MAGI2: variants seen among roughly 807,000 people sequenced by gnomAD.
MAGI2 encodes the protein membrane associated guanylate kinase, WW and PDZ domain containing 2.
Under a neutral mutation model 133.3 loss-of-function variants are expected in MAGI2, and 35 were observed. The observed-to-expected ratio is 0.26, with a 90% CI of 0.20 to 0.35. The LOEUF (loss-of-function observed/expected upper bound fraction) is 0.35, where lower values mean the gene tolerates loss of function less well. Ranked by LOEUF, MAGI2 falls within the 10% of genes least tolerant of loss-of-function variation. The pLI, the probability that MAGI2 is intolerant of heterozygous loss-of-function variation, is 1.00. For missense variants in MAGI2, 1,636 were observed against 1,863.4 expected (o/e 0.88, Z 2.25); for synonymous variants, 729 against 710.6 (o/e 1.03, Z -0.41).
At chr7:78,220,044 T>A (rs1348438188) in intron 10 of MAGI2, among the ~76,000 whole-genome samples, 1 of 152,166 alleles carries the variant, frequency 6.6e-6, no homozygotes, top group Admixed American at 6.5e-5. Context: ...AACTCCTTAT[T>A]ATACAACCTA....
At chr7:79,149,304 T>A (rs1585049027) in intron 1 of MAGI2, among the ~76,000 whole-genome samples, 1 of 151,618 alleles carries the variant, frequency 6.6e-6, no homozygotes, top group African/African-American at 2.4e-5. Flanking sequence ...CAATTTCACA[T>A]GACAGGTTTT....
intron 16 of MAGI2, among the ~76,000 whole-genome samples, chr7:78,156,099 C>T (rs369899099): frequency 5.3e-5 from 8 of 152,126 alleles, no homozygotes; most frequent in African/African-American, 4.8e-5. Flanking sequence ...GTCTGAATTT[C>T]GATGATTTCC....
chr7:78,335,480 T>C (rs950130759), intron 9 of MAGI2, among the ~76,000 whole-genome samples: 9 of 152,198 alleles, frequency 5.9e-5, no homozygotes, highest in African/African-American at 2.2e-4. Context: ...CCCCCAAGTA[T>C]CTTTATAGGA....
At chr7:78,407,348 CT>C (rs1446062497) in intron 6 of MAGI2, among the ~76,000 whole-genome samples, 5 of 151,904 alleles carry the variant, frequency 3.3e-5, no homozygotes, top group African/African-American at 9.7e-5. Context: ...CTATGTTTAA[CT>C]TTCCATTAGG....
intron 1 of MAGI2, among the ~76,000 whole-genome samples, chr7:79,186,020 A>G (rs1180950044): frequency 6.6e-6 from 1 of 151,314 alleles, no homozygotes; most frequent in East Asian, 1.9e-4. Context: ...GTAATTTAAC[A>G]TTTTTTTGAT....
chr7:78,070,148 TACACACATATATATAC>T (rs1356053759), intron 21 of MAGI2, among the ~76,000 whole-genome samples: 3 of 132,786 alleles, frequency 2.3e-5, no homozygotes, highest in South Asian at 5.0e-4. Flanking sequence ...TGTATATATA[TACACACATATATATAC>T]ACACACACAC....
In MAGI2 at chr7:79,204,859, C is replaced by A. The variant is rs570412780; in HGVS notation, c.302-197653G>T. Reference sequence around the variant, plus strand: ...AAACTGCAACCGAAATCATCAATAACAGAATTGACGAAGCAGAAGAAAGAA... The same window carrying A: ...AAACTGCAACCGAAATCATCAATAAAAGAATTGACGAAGCAGAAGAAAGAA... On this transcript the variant is annotated intron_variant, in intron 1 of 21. Transcript: ENST00000354212. 1.6e-4 allele frequency among the ~76,000 whole-genome samples: 25 copies of A among 151,718 alleles called. No homozygotes were observed. In the East Asian group the frequency reaches 4.6e-3, roughly 28 times the overall value.
At chr7:78,684,071 C>G (rs1392023318) in intron 2 of MAGI2, among the ~76,000 whole-genome samples, 6 of 152,150 alleles carry the variant, frequency 3.9e-5, no homozygotes, top group Non-Finnish European at 7.3e-5. Flanking sequence ...ATGCCAGATG[C>G]TCTTTTTGGA....
chr7:78,625,418 GTGTT>G (rs548272928), intron 3 of MAGI2, among the ~76,000 whole-genome samples: 68 of 152,030 alleles, frequency 4.5e-4, no homozygotes, highest in African/African-American at 1.6e-3. Context: ...GCTGTACAAT[GTGTT>G]TGTGTTTTAA....
intron 9 of MAGI2, among the ~76,000 whole-genome samples, chr7:78,317,452 C>A (rs144873191): frequency 6.6e-6 from 1 of 152,190 alleles, no homozygotes; most frequent in Non-Finnish European, 1.5e-5. Flanking sequence ...AGAAGGGAAA[C>A]GATAAGAATG....
chr7:78,235,610 C>A (rs1281482497), intron 10 of MAGI2, among the ~76,000 whole-genome samples: 1 of 152,132 alleles, frequency 6.6e-6, no homozygotes, highest in Non-Finnish European at 1.5e-5. Flanking sequence ...GACATGTTTG[C>A]TCCCGCTTCT....
intron 2 of MAGI2, among the ~76,000 whole-genome samples, chr7:78,811,938 C>T (rs1003398644): frequency 1.3e-5 from 2 of 152,168 alleles, no homozygotes; most frequent in African/African-American, 4.8e-5. Flanking sequence ...TGGGTTGAAT[C>T]TGGTGACATG....
chr7:79,388,638 C>A (rs1844372482), intron 1 of MAGI2, among the ~76,000 whole-genome samples: 1 of 151,308 alleles, frequency 6.6e-6, no homozygotes, highest in African/African-American at 2.4e-5. Flanking sequence ...CACCCTTTGA[C>A]AATAATGAAT....
At chr7:78,618,315 A>G (rs1584863056) in intron 3 of MAGI2, 1 of 152,084 alleles carries the variant, frequency 6.6e-6, no homozygotes, top group South Asian at 2.1e-4. Context: ...ACTGTATTTG[A>G]AAGTCATGGA....
intron 2 of MAGI2, among the ~76,000 whole-genome samples, chr7:78,741,796 G>T (rs1297771424): frequency 6.6e-6 from 1 of 151,826 alleles, no homozygotes. Context: ...CAAAATATTT[G>T]GTACCACTTA....
intron 1 of MAGI2, among the ~76,000 whole-genome samples, chr7:79,362,683 A>C (rs1842441223): frequency 6.6e-6 from 1 of 152,094 alleles, no homozygotes; most frequent in South Asian, 2.1e-4. Context: ...CTAAAAAAGA[A>C]AACACGATCA....
At chr7:78,188,322 T>C (rs1232690604) in intron 12 of MAGI2, among the ~76,000 whole-genome samples, 2 of 152,156 alleles carry the variant, frequency 1.3e-5, no homozygotes, top group African/African-American at 4.8e-5. Flanking sequence ...GATCTTCATA[T>C]CAATATAACG....
chr7:78,573,116 GAGAT>G (rs1801732937), intron 3 of MAGI2, among the ~76,000 whole-genome samples: 1 of 101,904 alleles, frequency 9.8e-6, no homozygotes, highest in Non-Finnish European at 1.9e-5. Flanking sequence ...CATATGGAGA[GAGAT>G]ATATATATAC....
chr7:79,377,297 A>G (rs1420346288), intron 1 of MAGI2, among the ~76,000 whole-genome samples: 1 of 151,786 alleles, frequency 6.6e-6, no homozygotes, highest in Non-Finnish European at 1.5e-5. Flanking sequence ...GCACAATAGG[A>G]AACTTGAAAA....
Sources: allele counts gnomAD v4.1 joint callset (sites outside exome capture counted in the v4.1 genomes callset), GRCh38; gene constraint gnomAD v4.1.1; transcripts MANE v1.5; gene names NCBI Gene and HGNC (gene_info 2026-07-23, HGNC 2026-07-21).